ZCWPW2: variants seen among roughly 807,000 people sequenced by gnomAD.
ZCWPW2 encodes the protein zinc finger CW-type PWWP domain protein 2.
In ZCWPW2, 45 loss-of-function variants were observed where a neutral mutation model predicts 46.6. The ratio of observed to expected loss-of-function variants is 0.96; its 90% CI spans 0.76 to 1.24. The LOEUF (loss-of-function observed/expected upper bound fraction) is 1.24, where lower values mean the gene tolerates loss of function less well. Among genes scored for constraint, ZCWPW2 ranks in the 50% most tolerant of loss-of-function variants. The pLI is 0.00. For missense variants in ZCWPW2, 429 were observed against 403.9 expected (o/e 1.06, Z -0.53); for synonymous variants, 152 against 137.1 (o/e 1.11, Z -0.76).
intron 6 of ZCWPW2, among the ~76,000 whole-genome samples, chr3:28,499,606 TC>T (rs1244091259): frequency 6.6e-6 from 1 of 152,202 alleles, no homozygotes; most frequent in African/African-American, 2.4e-5. Flanking sequence ...GGTTGCCCGT[TC>T]ACTCTAATGA....
chr3:28,367,569 T>G lies in ZCWPW2; in HGVS notation c.-134+18366T>G, dbSNP rs150010502. On this transcript the variant is annotated intron_variant, in intron 1 of 9. Transcript: ENST00000383768. ...TGAGGAGAGCTTTACTTCCAACTAT[T>G]TGGTCAGTTTTGGAACAGGTGTTGT... Among the ~76,000 whole-genome samples the G allele has an allele frequency of 2.5e-3, 387 of 152,242 alleles. 1 individual carries two copies. Among genetic ancestry groups the G allele is most frequent in the African/African-American group, 8.4e-3 (351 of 41,558 alleles).
At chr3:28,361,448 G>C (rs1704940822) in intron 1 of ZCWPW2, among the ~76,000 whole-genome samples, 2 of 152,092 alleles carry the variant, frequency 1.3e-5, no homozygotes, top group South Asian at 4.1e-4. Context: ...AGAAAATGTA[G>C]GGGAAGAGCT....
chr3:28,459,502 G>C (rs912048046), intron 4 of ZCWPW2, among the ~76,000 whole-genome samples: 1 of 152,306 alleles, frequency 6.6e-6, no homozygotes, highest in Middle Eastern at 3.4e-3. Flanking sequence ...AACTAAAGAA[G>C]ATATTTATGT....
At chr3:28,516,663 A>G (rs1420072993) in intron 8 of ZCWPW2, among the ~76,000 whole-genome samples, 1 of 152,136 alleles carries the variant, frequency 6.6e-6, no homozygotes, top group Non-Finnish European at 1.5e-5. Context: ...AGGGGATCCT[A>G]TGGCATTGCA....
At chr3:28,478,983 C>A in intron 5 of ZCWPW2, 52 bp downstream of exon 5, 2 of 1,179,902 alleles carry the variant, frequency 1.7e-6, no homozygotes, top group South Asian at 1.5e-5. Context: ...TATTCAAATG[C>A]ATGTTTTCCA....
intron 4 of ZCWPW2, among the ~76,000 whole-genome samples, chr3:28,459,894 G>A (rs1177947490): frequency 6.6e-6 from 1 of 152,164 alleles, no homozygotes; most frequent in East Asian, 1.9e-4. Flanking sequence ...GATAGGAAAA[G>A]AGCTTAGATA....
At chr3:28,490,677 G>C (rs1365668473) in intron 5 of ZCWPW2, among the ~76,000 whole-genome samples, 1 of 152,008 alleles carries the variant, frequency 6.6e-6, no homozygotes, top group Non-Finnish European at 1.5e-5. Context: ...TGAGGGTGGA[G>C]GGTGGAAAGA....
chr3:28,357,693 C>G (rs1704790465), intron 1 of ZCWPW2, among the ~76,000 whole-genome samples: 1 of 151,758 alleles, frequency 6.6e-6, no homozygotes, highest in African/African-American at 2.4e-5. Flanking sequence ...AATTATACCA[C>G]TGACTCTCCT....
intron 5 of ZCWPW2, among the ~76,000 whole-genome samples, chr3:28,489,701 CA>C (rs1575199612): frequency 2.7e-5 from 4 of 150,302 alleles, no homozygotes; most frequent in Admixed American, 6.7e-5. Context: ...CACACACACA[CA>C]CACCCCATGT....
chr3:28,480,817 C>G (rs1305627864), intron 5 of ZCWPW2, among the ~76,000 whole-genome samples: 1 of 150,940 alleles, frequency 6.6e-6, no homozygotes, highest in Non-Finnish European at 1.5e-5. Context: ...CTAGCCAGTT[C>G]TCCCAGTACC....
intron 4 of ZCWPW2, chr3:28,461,223 A>G (rs1698621021): frequency 6.3e-6 from 1 of 159,196 alleles, no homozygotes; most frequent in Non-Finnish European, 1.4e-5. Context: ...TTTAGATTAT[A>G]GATGTTGTCA....
intron 4 of ZCWPW2, among the ~76,000 whole-genome samples, chr3:28,477,823 C>G (rs939230212): frequency 2.0e-5 from 3 of 151,802 alleles, no homozygotes; most frequent in Admixed American, 6.6e-5. Context: ...TGCTGGTATT[C>G]AAAATGAAAA....
chr3:28,459,844 A>T (rs1698560943), intron 4 of ZCWPW2, among the ~76,000 whole-genome samples: 1 of 151,984 alleles, frequency 6.6e-6, no homozygotes, highest in Non-Finnish European at 1.5e-5. Context: ...GGGCTTCTTT[A>T]AAAAAAATTG....
chr3:28,439,907 T>A (rs1307118783), intron 4 of ZCWPW2, among the ~76,000 whole-genome samples: 1 of 152,220 alleles, frequency 6.6e-6, no homozygotes, highest in Non-Finnish European at 1.5e-5. Flanking sequence ...TGGTTGTAGC[T>A]GGTATTGACA....
At chr3:28,382,720 G>A (rs963404798) in intron 1 of ZCWPW2, among the ~76,000 whole-genome samples, 3 of 152,148 alleles carry the variant, frequency 2.0e-5, no homozygotes, top group African/African-American at 7.2e-5. Flanking sequence ...CTGAGTCTTT[G>A]ATAGGAAAGC....
chr3:28,399,402 C>T (rs1695836386), intron 2 of ZCWPW2, among the ~76,000 whole-genome samples: 1 of 152,116 alleles, frequency 6.6e-6, no homozygotes, highest in Non-Finnish European at 1.5e-5. Flanking sequence ...AGGGCCCCAC[C>T]CACCACCTGT....
At chr3:28,399,308 A>G (rs73825152) in intron 2 of ZCWPW2, among the ~76,000 whole-genome samples, 3,114 of 152,180 alleles carry the variant, frequency 0.02, 105 homozygotes, top group African/African-American at 0.062. Context: ...GAGCTCAGAC[A>G]TGCCTAGCCT....
At chr3:28,361,064 A>G (rs1173908979) in intron 1 of ZCWPW2, among the ~76,000 whole-genome samples, 2 of 152,158 alleles carry the variant, frequency 1.3e-5, no homozygotes, top group African/African-American at 2.4e-5. Context: ...CTCAAGATGT[A>G]TCTTTATGTA....
intron 4 of ZCWPW2, among the ~76,000 whole-genome samples, chr3:28,452,052 A>C (rs1259685677): frequency 6.6e-6 from 1 of 152,226 alleles, no homozygotes; most frequent in African/African-American, 2.4e-5. Flanking sequence ...AAGGAATTAG[A>C]GCATGACTCT....
Sources: gnomAD v4.1 joint callset for allele counts (sites outside exome capture counted in the v4.1 genomes callset) on GRCh38, gnomAD v4.1.1 for gene constraint, MANE v1.5 for transcripts, NCBI Gene and HGNC (gene_info 2026-07-23, HGNC 2026-07-21) for gene names.